Variants in CAMK1D observed in about 807,000 individuals in gnomAD.
CAMK1D encodes the protein calcium/calmodulin-dependent protein kinase type 1D.
In CAMK1D, 9 loss-of-function variants were observed where a neutral mutation model predicts 47.7. The observed-to-expected ratio is 0.19, with a 90% CI of 0.11 to 0.33. The LOEUF (loss-of-function observed/expected upper bound fraction) is 0.33. Ranked by LOEUF, CAMK1D falls within the 10% of genes least tolerant of loss-of-function variation. CAMK1D has a pLI of 1.00. For synonymous variants in CAMK1D, 184 were observed against 184.9 expected (o/e 0.99, Z 0.04); for missense variants, 291 against 488.7 (o/e 0.60, Z 3.81).
At chr10:12,753,565 G>A (rs995499707) in intron 3 of CAMK1D, among the ~76,000 whole-genome samples, 2 of 152,134 alleles carry the variant, frequency 1.3e-5, no homozygotes, top group Non-Finnish European at 2.9e-5. Context: ...CATCCACCCC[G>A]TGTGGTCCTT....
chr10:12,828,799 T>C lies in CAMK1D; in HGVS notation c.1070T>C (p.Ile357Thr). The C allele has an allele frequency of 6.2e-7, 1 of 1,613,904 alleles. No individual in the cohort carries two copies. The highest frequency in any genetic ancestry group is 8.5e-7 in the Non-Finnish European group (1 of 1,179,904). Reference sequence around the variant, plus strand: ...GCACCTTCCACGCTCTGTAGTTTCATTTCTTCTTCGTCGGGGGTCTCAGGA... The same window carrying C: ...GCACCTTCCACGCTCTGTAGTTTCACTTCTTCTTCGTCGGGGGTCTCAGGA... ...CLAPSTLCSF[I>T]SSSSGVSGVG... is the part of the protein sequence containing the mutation. The change falls in exon 11 of 11, where the codon ATT (isoleucine) becomes ACT (threonine). Residue 357 changes from isoleucine (I) to threonine (T), a missense_variant. By Grantham distance (89) the Ile-to-Thr change is moderately conservative. This residue lies in a region of CAMK1D where 72 missense variants were observed against 64.4 expected (regional missense o/e 1.12). Transcript: ENST00000619168.
intron 1 of CAMK1D, among the ~76,000 whole-genome samples, chr10:12,360,456 C>T (rs1372123821): frequency 3.3e-5 from 5 of 152,250 alleles, no homozygotes; most frequent in African/African-American, 1.2e-4. Context: ...GGCCAGCGTC[C>T]CCTGCCCCCA....
intron 1 of CAMK1D, among the ~76,000 whole-genome samples, chr10:12,503,852 C>G (rs1337372040): frequency 6.6e-6 from 1 of 152,078 alleles, no homozygotes. Flanking sequence ...GTTAAAGTTA[C>G]AGTGTTAAAA....
At chr10:12,422,059 T>G (rs886353645) in intron 1 of CAMK1D, among the ~76,000 whole-genome samples, 8 of 152,188 alleles carry the variant, frequency 5.3e-5, no homozygotes, top group Admixed American at 5.2e-4. Context: ...TCCGCCCGCC[T>G]TGGCCTTCCA....
At chr10:12,369,303 A>T (rs533990350) in intron 1 of CAMK1D, among the ~76,000 whole-genome samples, 4 of 152,346 alleles carry the variant, frequency 2.6e-5, no homozygotes, top group Non-Finnish European at 5.9e-5. Flanking sequence ...CTTTAAAACA[A>T]CAACAACAAA....
At chr10:12,714,761 T>TACACACACACACACACACAC (rs55827922) in intron 3 of CAMK1D, among the ~76,000 whole-genome samples, 40 of 130,574 alleles carry the variant, frequency 3.1e-4, no homozygotes, top group South Asian at 1.1e-3. Flanking sequence ...TACATTAAAT[T>TACACACACACACACACACAC]ACACACACAC....
intron 3 of CAMK1D, among the ~76,000 whole-genome samples, chr10:12,747,772 G>C (rs186199198): frequency 2.0e-5 from 3 of 152,166 alleles, no homozygotes; most frequent in Admixed American, 2.0e-4. Flanking sequence ...GTCCTGGGAA[G>C]AGCATTTATA....
At chr10:12,424,358 A>C (rs1840156695) in intron 1 of CAMK1D, among the ~76,000 whole-genome samples, 1 of 149,784 alleles carries the variant, frequency 6.7e-6, no homozygotes, top group African/African-American at 2.5e-5. Context: ...TCTTTCCCCC[A>C]CCTCTCACCT....
intron 2 of CAMK1D, among the ~76,000 whole-genome samples, chr10:12,615,795 G>C (rs377388222): frequency 6.6e-6 from 1 of 150,846 alleles, no homozygotes; most frequent in Non-Finnish European, 1.5e-5. Context: ...TAGTGTGTAG[G>C]TATGTGTTGT....
chr10:12,453,376 G>T (rs1205564464), intron 1 of CAMK1D, among the ~76,000 whole-genome samples: 1 of 151,954 alleles, frequency 6.6e-6, no homozygotes, highest in Admixed American at 6.6e-5. Context: ...TTTTAGTAGA[G>T]ATGGGGTTTC....
intron 3 of CAMK1D, among the ~76,000 whole-genome samples, chr10:12,722,610 A>G (rs1834444194): frequency 6.6e-6 from 1 of 152,192 alleles, no homozygotes; most frequent in Admixed American, 6.5e-5. Flanking sequence ...AGGAATTCTT[A>G]GCCAAACACT....
At chr10:12,434,254 A>G (rs762272992) in intron 1 of CAMK1D, among the ~76,000 whole-genome samples, 19 of 152,220 alleles carry the variant, frequency 1.2e-4, no homozygotes, top group African/African-American at 4.6e-4. Context: ...TGGGTACAGG[A>G]TGATAGCATA....
intron 5 of CAMK1D, among the ~76,000 whole-genome samples, chr10:12,776,774 A>G (rs1320885900): frequency 1.3e-5 from 2 of 152,184 alleles, no homozygotes; most frequent in Non-Finnish European, 2.9e-5. Context: ...CTTCAGCACT[A>G]TGCTTGGGGC....
intron 2 of CAMK1D, among the ~76,000 whole-genome samples, chr10:12,647,273 C>T (rs926906861): frequency 6.6e-5 from 10 of 151,030 alleles, no homozygotes; most frequent in East Asian, 3.9e-4. Flanking sequence ...CTCAGCCTCC[C>T]GAGTAGCTAG....
At chr10:12,666,589 G>A (rs916350143) in intron 2 of CAMK1D, 147 bp from the exon 3 acceptor site, 8 of 655,894 alleles carry the variant, frequency 1.2e-5, no homozygotes, top group Non-Finnish European at 2.1e-5. Context: ...TCTGGAAAAA[G>A]TCTGGGGACA....
intron 1 of CAMK1D, among the ~76,000 whole-genome samples, chr10:12,535,837 T>C (rs1322500238): frequency 6.6e-6 from 1 of 152,202 alleles, no homozygotes; most frequent in Non-Finnish European, 1.5e-5. Flanking sequence ...AAGTGTAGAA[T>C]TTCCATCTTC....
At chr10:12,792,939 A>T (rs1426618797) in intron 6 of CAMK1D, among the ~76,000 whole-genome samples, 2 of 147,020 alleles carry the variant, frequency 1.4e-5, no homozygotes, top group African/African-American at 2.6e-5. Flanking sequence ...CCTATCCCCT[A>T]ATAAAATCAC....
intron 2 of CAMK1D, among the ~76,000 whole-genome samples, chr10:12,590,753 A>C (rs1837972672): frequency 6.6e-6 from 1 of 152,216 alleles, no homozygotes; most frequent in South Asian, 2.1e-4. Flanking sequence ...CAGAAGCAGA[A>C]AATTTTAGAA....
At position 12,355,530 on chromosome 10, in the gene CAMK1D, C is replaced by T. The variant is rs115632200; in HGVS notation, c.92+5620C>T. ...GTGGGGGAGAGAATGCACAAACACT[C>T]GAGGTGGTTTGTATATTTGACTGGT... On this transcript the variant is annotated intron_variant, in intron 1 of 10. Coordinates refer to ENST00000619168, the MANE Select transcript of CAMK1D (RefSeq NM_153498.4). Among the ~76,000 whole-genome samples, 1,296 of 151,706 alleles carry T rather than the reference C, an allele frequency of 8.5e-3. 12 individuals carry two copies. Among genetic ancestry groups the T allele is most frequent in the African/African-American group, 0.03 (1,237 of 41,300 alleles).
Sources: gnomAD v4.1 joint callset for allele counts (sites outside exome capture counted in the v4.1 genomes callset) on GRCh38, gnomAD v4.1.1 for gene constraint, gnomAD v4.1.1 regional missense constraint, MANE v1.5 for transcripts, NCBI Gene and HGNC (gene_info 2026-07-23, HGNC 2026-07-21) for gene names.